The following ZNF697 variants were observed in gnomAD, a reference collection of about 807,000 sequenced individuals.
The protein encoded by ZNF697 is zinc finger protein 697.
In ZNF697, 23 loss-of-function variants were observed where a neutral mutation model predicts 32.4. The ratio of observed to expected loss-of-function variants is 0.71; its 90% confidence interval spans 0.51 to 1.01. The LOEUF (loss-of-function observed/expected upper bound fraction) is 1.01, where lower values mean the gene tolerates loss of function less well. Among genes scored for constraint, ZNF697 ranks in the 50% least tolerant of loss-of-function variants. ZNF697 has a pLI of 0.00. For synonymous variants in ZNF697, 418 were observed against 337.2 expected (o/e 1.24, Z -2.62); for missense variants, 930 against 794.0 (o/e 1.17, Z -2.06).
At chr1:119,634,969 T>C (rs776619545) in intron 1 of ZNF697, among the ~76,000 whole-genome samples, 2 of 152,204 alleles carry the variant, frequency 1.3e-5, no homozygotes, top group South Asian at 4.1e-4. Context: ...TGAAATGATA[T>C]GTCTAGAATT....
chr1:119,638,565 T>C (rs1257889339), intron 1 of ZNF697, among the ~76,000 whole-genome samples: 2 of 152,194 alleles, frequency 1.3e-5, no homozygotes, highest in African/African-American at 4.8e-5. Flanking sequence ...TCCTCATACT[T>C]CACTGACCAC....
In ZNF697 at chr1:119,623,003, C is replaced by T; in HGVS notation, c.1340G>A (p.Gly447Glu). Residue 447 changes from glycine to glutamate, a missense_variant, in exon 3 of 3, where the codon GGG becomes GAG. Gly to Glu is a moderately conservative substitution (Grantham distance 98, BLOSUM62 -2). Transcript: ENST00000421812. ...GTGGTTCACCAGGTGCGAGTTACGC[C>T]CGAAGCCCTTCCCGCACTCGCGGCA... ...YVCRECGKGF[G>E]RNSHLVNHLR... 1.3e-6 allele frequency: 2 copies of T among 1,591,252 alleles called. No homozygotes were observed. Among genetic ancestry groups the T allele is most frequent in the Non-Finnish European group, 1.7e-6 (2 of 1,166,954 alleles).
rs1648318350 is a variant in ZNF697, at chr1:119,621,732, A to G, written c.*973T>C. ...TGGATTTCTCACATAAAGGCCAGCA[A>G]AACTCTGAGCTAGTTGACTTTTTAG... On this transcript the variant is annotated 3_prime_UTR_variant, in exon 3 of 3. Transcript: ENST00000421812. 6.6e-6 allele frequency: 1 copy of G among 152,244 alleles called. No homozygotes were observed. The highest frequency in any genetic ancestry group is 1.9e-4 in the East Asian group (1 of 5,198). The allele number at this position is 152,244 out of a possible 1,614,324, so 9.4% of individuals were successfully genotyped here.
At chr1:119,638,705 C>T (rs587740416) in intron 1 of ZNF697, among the ~76,000 whole-genome samples, 31 of 152,292 alleles carry the variant, frequency 2.0e-4, no homozygotes, top group Non-Finnish European at 4.3e-4. Context: ...AAAGACCTCA[C>T]AAATTTGAAC....
At chr1:119,632,766 A>G (rs1459532598) in intron 1 of ZNF697, among the ~76,000 whole-genome samples, 3 of 152,302 alleles carry the variant, frequency 2.0e-5, no homozygotes, top group South Asian at 2.1e-4. Flanking sequence ...AGTGCCCTCA[A>G]AGTTAGACTA....
At chr1:119,630,452 C>T (rs1383530439) in intron 1 of ZNF697, among the ~76,000 whole-genome samples, 4 of 152,224 alleles carry the variant, frequency 2.6e-5, no homozygotes, top group Non-Finnish European at 5.9e-5. Flanking sequence ...CAAGACTGCT[C>T]AAATCCTGGT....
chr1:119,631,064 A>G (rs1648749009), intron 1 of ZNF697, among the ~76,000 whole-genome samples: 1 of 152,232 alleles, frequency 6.6e-6, no homozygotes, highest in East Asian at 1.9e-4. Context: ...CTAACTTCCT[A>G]TGAAGAGGTT....
chr1:119,645,175 GC>G (rs1191720374), intron 1 of ZNF697, among the ~76,000 whole-genome samples: 1 of 152,146 alleles, frequency 6.6e-6, no homozygotes, highest in African/African-American at 2.4e-5. Context: ...TAACCCAGGA[GC>G]AAAAGGAAAA....
At chr1:119,628,745 T>G (rs1475040236) in intron 1 of ZNF697, among the ~76,000 whole-genome samples, 1 of 152,154 alleles carries the variant, frequency 6.6e-6, no homozygotes, top group African/African-American at 2.4e-5. Flanking sequence ...CAGCACATCA[T>G]GGGGTTTTAG....
intron 1 of ZNF697, among the ~76,000 whole-genome samples, chr1:119,642,483 C>G (rs184085670): frequency 4.6e-5 from 7 of 152,234 alleles, no homozygotes; most frequent in African/African-American, 7.2e-5. Flanking sequence ...CAGACAGGAA[C>G]TCTACTTTCT....
chr1:119,637,979 G>A (rs1318769938), intron 1 of ZNF697, among the ~76,000 whole-genome samples: 7 of 151,956 alleles, frequency 4.6e-5, no homozygotes, highest in Non-Finnish European at 1.0e-4. Flanking sequence ...GAGAGAGAGA[G>A]AGAAAAGAGA....
rs149472804 is a variant in ZNF697, at chr1:119,638,481, C to A, written c.-38+9210G>T. 3.8e-4 allele frequency among the ~76,000 whole-genome samples: 58 copies of A among 152,268 alleles called. No homozygotes were observed. The East Asian group carries it at 7.9e-3, about 21-fold the overall frequency. ...TTTAATAGGAGTTCAGTAAATGGCC[C>A]AGAAATCTTGTTGAGACACTCTCCT... is the stretch of plus-strand genomic sequence containing the variant. On this transcript the variant is annotated intron_variant, in intron 1 of 2. Transcript: ENST00000421812.
rs7552895 is a variant in ZNF697, at chr1:119,622,371, C to T, written c.*334G>A. 0.2 allele frequency: 53,566 copies of T among 270,680 alleles called. 6,204 individuals are homozygous for T. The highest frequency in any genetic ancestry group is 0.36 in the African/African-American group (16,159 of 44,708). The allele number at this position is 270,680 out of a possible 1,614,324, so 16.8% of individuals were successfully genotyped here. Reference sequence around the variant, plus strand: ...TCGCGGCCTACCCTAGTCTATTGCCCGCCATCCTGTTCCCACCCCAGCCCA... The same window carrying T: ...TCGCGGCCTACCCTAGTCTATTGCCTGCCATCCTGTTCCCACCCCAGCCCA... On this transcript the variant is annotated 3_prime_UTR_variant, in exon 3 of 3. Transcript: ENST00000421812.
chr1:119,624,254 A>G (rs12744391), intron 2 of ZNF697, 138 bp from the exon 3 acceptor site: 14 of 1,094,006 alleles, frequency 1.3e-5, no homozygotes, highest in African/African-American at 3.3e-5. Context: ...ACCCCCTGAG[A>G]GTTTAGCCTC....
Position 119,623,241 on chromosome 1 carries a change from G to C in ZNF697, c.1102C>G (p.Leu368Val). The part of the protein sequence containing the change: ...CGKGFVRRSH[L>V]ANHQRIHTGE... ...GTGTGGATGCGCTGGTGGTTGGCCA[G>C]GTGCGAACGGCGCACGAAGCCCTTG... The change falls in exon 3 of 3, where the codon CTG becomes GTG. Residue 368 changes from leucine (L) to valine (V), a missense_variant. Coordinates refer to ENST00000421812, the MANE Select transcript of ZNF697 (RefSeq NM_001080470.2). 6.4e-7 allele frequency: 1 copy of C among 1,567,436 alleles called. No homozygotes were observed. Among genetic ancestry groups the C allele is most frequent in the Non-Finnish European group, 8.6e-7 (1 of 1,159,960 alleles).
Position 119,647,854 on chromosome 1 carries a change from A to G in ZNF697, c.-201T>C. Reference sequence around the variant, plus strand: ...GCCCCTCGCCACATACCCCTGAGGGAGCTCAGTCCTGGCTTTGGGGGCGCG... The same window carrying G: ...GCCCCTCGCCACATACCCCTGAGGGGGCTCAGTCCTGGCTTTGGGGGCGCG... On this transcript the variant is annotated 5_prime_UTR_variant, in exon 1 of 3. Coordinates refer to ENST00000421812, the MANE Select transcript of ZNF697 (RefSeq NM_001080470.2). 6.6e-6 allele frequency: 1 copy of G among 152,528 alleles called. No homozygotes were observed. Among genetic ancestry groups the G allele is most frequent in the Non-Finnish European group, 1.5e-5 (1 of 68,330 alleles). The allele number at this position is 152,528 out of a possible 1,614,324, so 9.4% of individuals were successfully genotyped here. A position where few individuals can be genotyped will look rare whatever the true frequency, so the allele number is the denominator to read the frequency against.
At chr1:119,639,825 C>A (rs1649019330) in intron 1 of ZNF697, among the ~76,000 whole-genome samples, 1 of 151,938 alleles carries the variant, frequency 6.6e-6, no homozygotes, top group African/African-American at 2.4e-5. Flanking sequence ...CACCACTGGA[C>A]TTCAGCCTGG....
Position 119,623,317 on chromosome 1 carries a change from G to C in ZNF697, c.1026C>G (p.Ala342=). ...LLSHRRAHAA[A]SGAGAAALRP... ...GCAGCGCCGCCGCCCCCGCGCCGCT[G>C]GCCGCCGCGTGCGCGCGCCGGTGGC... Residue 342 remains alanine, a synonymous_variant, in exon 3 of 3, where the codon GCC becomes GCG. Transcript: ENST00000421812. 7.6e-7 allele frequency: 1 copy of C among 1,308,150 alleles called. No individual in the cohort carries two copies. The highest frequency in any genetic ancestry group is 9.7e-7 in the Non-Finnish European group (1 of 1,030,504). The allele number at this position is 1,308,150 out of a possible 1,614,324, so 81.0% of individuals were successfully genotyped here. A position where few individuals can be genotyped will look rare whatever the true frequency, so the allele number is the denominator to read the frequency against.
chr1:119,622,565 G>C lies in ZNF697; in HGVS notation c.*140C>G. 1 of 1,405,198 alleles carries C rather than the reference G, an allele frequency of 7.1e-7. No individual in the cohort carries two copies. Among genetic ancestry groups the C allele is most frequent in the East Asian group, 2.5e-5 (1 of 39,290 alleles). 87.0% of individuals were successfully genotyped at this position (1,405,198 alleles called of 1,614,324 possible). On this transcript the variant is annotated 3_prime_UTR_variant, in exon 3 of 3. Transcript: ENST00000421812. ...TTACTCAACACTCCTCCCACTTCAG[G>C]AAACCCCAAACACCAAAGGCTCCCC... is the stretch of plus-strand genomic sequence containing the variant.
Sources: allele counts gnomAD v4.1 joint callset (sites outside exome capture counted in the v4.1 genomes callset), GRCh38; gene constraint gnomAD v4.1.1; transcripts MANE v1.5; gene names NCBI Gene and HGNC (gene_info 2026-07-23, HGNC 2026-07-21).